Variants in PPARGC1A observed in about 807,000 individuals in gnomAD.
PPARGC1A encodes the protein peroxisome proliferator-activated receptor gamma coactivator 1-alpha.
Under a neutral mutation model 88.7 loss-of-function variants are expected in PPARGC1A, and 25 were observed. That is an observed-to-expected ratio of 0.28 (90% CI 0.21 to 0.39). PPARGC1A has a LOEUF of 0.39. Among genes scored for constraint, PPARGC1A ranks in the 10% least tolerant of loss-of-function variants. PPARGC1A has a pLI of 1.00. For missense variants in PPARGC1A, 880 were observed against 968.7 expected, an observed-to-expected ratio of 0.91 and a Z score of 1.22; for synonymous variants, 363 against 355.6, an observed-to-expected ratio of 1.02 and a Z score of -0.24.
At chr4:23,798,006 C>A (rs1717942143) in intron 12 of PPARGC1A, among the ~76,000 whole-genome samples, 1 of 152,124 alleles carries the variant, frequency 6.6e-6, no homozygotes, top group Admixed American at 6.5e-5. Flanking sequence ...TTGTGAAATT[C>A]CTTCTCCTGG....
chr4:24,379,924 G>T, the PPARGC1A span, among the ~76,000 whole-genome samples: 1 of 151,522 alleles, frequency 6.6e-6, no homozygotes, highest in African/African-American at 2.4e-5. Context: ...GATTACAGAC[G>T]CGCCCCACCA....
the PPARGC1A span, among the ~76,000 whole-genome samples, chr4:23,994,491 G>A: frequency 6.6e-6 from 1 of 152,106 alleles, no homozygotes; most frequent in Non-Finnish European, 1.5e-5. Context: ...CTGCATATTG[G>A]GCAGAGAAGG....
the PPARGC1A span, among the ~76,000 whole-genome samples, chr4:24,230,466 T>C: frequency 6.6e-6 from 1 of 152,212 alleles, no homozygotes; most frequent in Non-Finnish European, 1.5e-5. Context: ...AGAGATGTGG[T>C]TGACTCACCT....
the PPARGC1A span, among the ~76,000 whole-genome samples, chr4:24,188,438 T>C: frequency 6.6e-6 from 1 of 152,114 alleles, no homozygotes; most frequent in African/African-American, 2.4e-5. Context: ...ATTATGAATG[T>C]ATGTAATACC....
At chr4:24,369,092 C>T in the PPARGC1A span, among the ~76,000 whole-genome samples, 47 of 152,214 alleles carry the variant, frequency 3.1e-4, no homozygotes, top group African/African-American at 1.1e-3. Flanking sequence ...CCCAAGGCCA[C>T]TGAATTTAAA....
At chr4:23,802,024 GC>G in intron 11 of PPARGC1A, 143 bp from the exon 12 acceptor site, 2 of 1,275,968 alleles carry the variant, frequency 1.6e-6, no homozygotes, top group Non-Finnish European at 2.2e-6. Flanking sequence ...CTGTCAAGCA[GC>G]TAAATACTTA....
the PPARGC1A span, among the ~76,000 whole-genome samples, chr4:24,151,025 A>G: frequency 6.6e-6 from 1 of 152,184 alleles, no homozygotes; most frequent in South Asian, 2.1e-4. Context: ...CCATGTTTTA[A>G]AAGTCTACCA....
the PPARGC1A span, among the ~76,000 whole-genome samples, chr4:23,912,057 T>C: frequency 3.3e-5 from 5 of 152,156 alleles, no homozygotes; most frequent in Non-Finnish European, 5.9e-5. Flanking sequence ...TGTAAAGATA[T>C]CCAATATGAG....
At chr4:23,985,702 A>C in the PPARGC1A span, among the ~76,000 whole-genome samples, 1 of 152,090 alleles carries the variant, frequency 6.6e-6, no homozygotes, top group Non-Finnish European at 1.5e-5. Context: ...CACAAATCAC[A>C]ATGAGAAAAG....
the PPARGC1A span, among the ~76,000 whole-genome samples, chr4:24,067,385 T>C: frequency 6.6e-6 from 1 of 152,154 alleles, no homozygotes; most frequent in Non-Finnish European, 1.5e-5. Flanking sequence ...ATAAAATCCA[T>C]GGGATACACA....
chr4:23,914,337 C>A, the PPARGC1A span, among the ~76,000 whole-genome samples: 1 of 152,298 alleles, frequency 6.6e-6, no homozygotes, highest in Admixed American at 6.5e-5. Flanking sequence ...CATTCACATA[C>A]TGCCTTTTCA....
chr4:24,037,431 C>T, the PPARGC1A span, among the ~76,000 whole-genome samples: 1 of 152,158 alleles, frequency 6.6e-6, no homozygotes, highest in Admixed American at 6.5e-5. Context: ...TCATTTGACT[C>T]ATTTCAGAAT....
At chr4:23,840,145 A>C (rs1726803855) in intron 2 of PPARGC1A, among the ~76,000 whole-genome samples, 1 of 152,080 alleles carries the variant, frequency 6.6e-6, no homozygotes. Context: ...CTCTAAGACT[A>C]AAAGCTAAAT....
chr4:24,354,860 A>C, the PPARGC1A span, among the ~76,000 whole-genome samples: 4 of 152,056 alleles, frequency 2.6e-5, no homozygotes, highest in East Asian at 1.9e-4. Flanking sequence ...GCACTCCAGC[A>C]TGGGCGACAG....
At chr4:24,339,901 G>T in the PPARGC1A span, among the ~76,000 whole-genome samples, 1 of 151,898 alleles carries the variant, frequency 6.6e-6, no homozygotes, top group Admixed American at 6.6e-5. Flanking sequence ...ACCACCCCCG[G>T]CTAATTTTTG....
intron 2 of PPARGC1A, among the ~76,000 whole-genome samples, chr4:23,870,884 A>T (rs984168475): frequency 6.6e-6 from 1 of 152,144 alleles, no homozygotes; most frequent in Non-Finnish European, 1.5e-5. Flanking sequence ...ACTATAAAAG[A>T]TGTAGCTGGA....
the PPARGC1A span, among the ~76,000 whole-genome samples, chr4:24,386,840 C>T: frequency 1.3e-5 from 2 of 152,128 alleles, no homozygotes; most frequent in Admixed American, 6.5e-5. Context: ...AGATTTAATG[C>T]TATTCCCATC....
chr4:23,889,326 G>T, intron 1 of PPARGC1A: 2 of 985,348 alleles, frequency 2.0e-6, no homozygotes, highest in Non-Finnish European at 2.4e-6. Context: ...TTTCAACCAC[G>T]TATAGGAGTT....
intron 7 of PPARGC1A, among the ~76,000 whole-genome samples, chr4:23,818,220 T>C (rs1170045616): frequency 6.6e-6 from 1 of 152,180 alleles, no homozygotes; most frequent in Non-Finnish European, 1.5e-5. Context: ...GTATATTCCA[T>C]GCTCTCTCTT....
Sources: allele counts gnomAD v4.1 joint callset (sites outside exome capture counted in the v4.1 genomes callset), GRCh38; gene constraint gnomAD v4.1.1; transcripts MANE v1.5; gene names NCBI Gene and HGNC (gene_info 2026-07-23, HGNC 2026-07-21).